The following ADARB1 variants were observed in gnomAD, a reference collection of about 807,000 sequenced individuals.
ADARB1 encodes adenosine deaminase RNA specific B1.
ADARB1 carries 10 observed loss-of-function variants against 52.4 expected under a neutral mutation model. The ratio of observed to expected loss-of-function variants is 0.19; its 90% confidence interval spans 0.12 to 0.32. ADARB1 has a LOEUF of 0.32. Among genes scored for constraint, ADARB1 ranks in the 10% least tolerant of loss-of-function variants. The pLI, the probability that ADARB1 is intolerant of heterozygous loss-of-function variation, is 1.00. For missense variants in ADARB1, 643 were observed against 922.3 expected (o/e 0.70, Z 3.92); for synonymous variants, 349 against 371.1 (o/e 0.94, Z 0.68).
At chr21:45,148,658 CAAG>C (rs924686083) in intron 2 of ADARB1, among the ~76,000 whole-genome samples, 2 of 152,170 alleles carry the variant, frequency 1.3e-5, no homozygotes, top group Admixed American at 6.5e-5. Flanking sequence ...CTGCAGCAGT[CAAG>C]AAGTAGAGCA....
Position 45,152,614 on chromosome 21 carries a change from G to A in ADARB1, c.-47-18996G>A, listed in dbSNP as rs148752440. Reference sequence around the variant, plus strand: ...ACTGGCATTGGCGTGTCTGCATGGCGTCGTCCACCACTGGGCCTTTGCACA... The same window carrying A: ...ACTGGCATTGGCGTGTCTGCATGGCATCGTCCACCACTGGGCCTTTGCACA... On this transcript the variant is annotated intron_variant, in intron 2 of 10. Transcript: ENST00000348831. The A allele has an allele frequency of 1.6e-4, 69 of 433,852 alleles. No individual in the cohort carries two copies. Among genetic ancestry groups the A allele is most frequent in the South Asian group, 9.0e-4 (56 of 61,978 alleles). 26.9% of individuals were successfully genotyped at this position (433,852 alleles called of 1,614,324 possible).
At chr21:45,136,567 C>T (rs563532254) in intron 2 of ADARB1, among the ~76,000 whole-genome samples, 1 of 152,228 alleles carries the variant, frequency 6.6e-6, no homozygotes, top group South Asian at 2.1e-4. Context: ...ATGTACTGAG[C>T]CCCTGTGGGG....
Position 45,221,729 on chromosome 21 carries a change from A to G in ADARB1, c.1927-289A>G, listed in dbSNP as rs760527136. ...TGGTGCTTCTTAGAGTTAAAAATGAAACGTGAATCCACTATTGGTGGTTTC... is the reference window on the plus strand; with the variant it reads ...TGGTGCTTCTTAGAGTTAAAAATGAGACGTGAATCCACTATTGGTGGTTTC... On this transcript the variant is annotated intron_variant, in intron 10 of 10. Transcript: ENST00000348831. This position sits in a 1 kb window ranked among gnomAD's most constrained non-coding sequence, Gnocchi z 4.9. Among the ~76,000 whole-genome samples the G allele has an allele frequency of 6.6e-6, 1 of 152,196 alleles. No homozygotes were observed. The highest frequency in any genetic ancestry group is 1.5e-5 in the Non-Finnish European group (1 of 68,028).
Position 45,220,957 on chromosome 21 carries a change from C to T in ADARB1, c.1869C>T (p.Arg623=), listed in dbSNP as rs534454057. The change falls in exon 10 of 11, where the codon CGC becomes CGT. Residue 623 remains arginine (R), a synonymous_variant. Transcript: ENST00000348831. This position sits in a 1 kb window ranked among gnomAD's most constrained non-coding sequence, Gnocchi z 6.3. ...NATTGKDELG[R]ASRLCKHALY... is the part of the protein sequence containing the mutation. ...CGACTGGGAAGGATGAGCTGGGCCG[C>T]GCGTCCCGCCTGTGTAAGCACGCGT... 3.1e-6 allele frequency: 5 copies of T among 1,613,304 alleles called. No homozygotes were observed. The highest frequency in any genetic ancestry group is 1.1e-5 in the South Asian group (1 of 91,088).
rs910395199 is a variant in ADARB1 at position 45,172,571 on chromosome 21, C to T, written c.28+887C>T. The stretch of plus-strand genomic sequence containing the variant: ...TACCATGTAGAACCCAAACCATGAC[C>T]CAGTGAAGCATTTCTGCATGGTATT... On this transcript the variant is annotated intron_variant, in intron 3 of 10. Transcript: ENST00000348831. This position sits in a 1 kb window ranked among gnomAD's most constrained non-coding sequence, Gnocchi z 4.4. 1.3e-5 allele frequency among the ~76,000 whole-genome samples: 2 copies of T among 152,120 alleles called. No individual in the cohort carries two copies. The highest frequency in any genetic ancestry group is 1.3e-4 in the Admixed American group (2 of 15,276).
chr21:45,111,928 C>T (rs1378853318), intron 1 of ADARB1, among the ~76,000 whole-genome samples: 1 of 152,228 alleles, frequency 6.6e-6, no homozygotes, highest in Non-Finnish European at 1.5e-5. Context: ...GTGATGCTGG[C>T]ATGGTGCCTG....
intron 1 of ADARB1, among the ~76,000 whole-genome samples, chr21:45,088,753 G>C (rs1049957857): frequency 6.6e-6 from 1 of 152,166 alleles, no homozygotes; most frequent in Middle Eastern, 3.2e-3. Flanking sequence ...TAGAATGGAG[G>C]AAGCCAGCAG....
rs566375559 is a variant in ADARB1, at chr21:45,165,082, C to T, written c.-47-6528C>T. The stretch of plus-strand genomic sequence containing the variant: ...GAGCGCCCAGGCCTCACCAGGCCCA[C>T]CCCCGCCCAGCCACCCTAGAGTTGC... On this transcript the variant is annotated intron_variant, in intron 2 of 10. Coordinates refer to ENST00000348831, the MANE Select transcript of ADARB1 (RefSeq NM_001112.4). Among the ~76,000 whole-genome samples the T allele has an allele frequency of 3.3e-4, 50 of 152,294 alleles. 2 individuals carry two copies. In the South Asian group the frequency reaches 9.9e-3, roughly 30 times the overall value.
intron 8 of ADARB1, among the ~76,000 whole-genome samples, chr21:45,203,416 A>G (rs368061262): frequency 4.6e-5 from 7 of 151,874 alleles, no homozygotes; most frequent in African/African-American, 1.7e-4. Context: ...ATAGTTCTTC[A>G]TTTGTCTTTT....
At chr21:45,091,157 T>C (rs1168682785) in intron 1 of ADARB1, among the ~76,000 whole-genome samples, 1 of 152,268 alleles carries the variant, frequency 6.6e-6, no homozygotes, top group Non-Finnish European at 1.5e-5. Flanking sequence ...GCATATGTTC[T>C]GCTATGTCTT....
chr21:45,110,688 T>C (rs184419522), intron 1 of ADARB1, among the ~76,000 whole-genome samples: 1 of 152,318 alleles, frequency 6.6e-6, no homozygotes, highest in African/African-American at 2.4e-5. Flanking sequence ...ATATTTCTAG[T>C]TATAGTTGCT....
At position 45,224,479 on chromosome 21, in the gene ADARB1, G is replaced by C. The variant is rs1432412558; in HGVS notation, c.*2282G>C. On this transcript the variant is annotated 3_prime_UTR_variant, in exon 11 of 11. Coordinates refer to ENST00000348831, the MANE Select transcript of ADARB1 (RefSeq NM_001112.4). ...GGAGGAAGGCAGCCAAGGCAACTGG[G>C]TTCTGGGAGCCCTGGGTGGGGCAGC... 1.1e-6 allele frequency: 1 copy of C among 873,414 alleles called. No individual in the cohort carries two copies. The highest frequency in any genetic ancestry group is 3.6e-5 in the African/African-American group (1 of 27,688). 54.1% of individuals were successfully genotyped at this position (873,414 alleles called of 1,614,324 possible). A position where few individuals can be genotyped will look rare whatever the true frequency, so the allele number is the denominator to read the frequency against.
chr21:45,212,846 T>G (rs769585141), intron 9 of ADARB1, among the ~76,000 whole-genome samples: 1 of 152,062 alleles, frequency 6.6e-6, no homozygotes, highest in Non-Finnish European at 1.5e-5. Context: ...ACAGAACAAC[T>G]GAAAGAAACA....
At chr21:45,216,008 C>T (rs372214450) in intron 9 of ADARB1, among the ~76,000 whole-genome samples, 4 of 152,112 alleles carry the variant, frequency 2.6e-5, no homozygotes, top group Non-Finnish European at 4.4e-5. Context: ...AGATTTAGGG[C>T]TATTCATGTT....
intron 1 of ADARB1, among the ~76,000 whole-genome samples, chr21:45,111,910 G>A (rs982909715): frequency 2.0e-5 from 3 of 152,246 alleles, no homozygotes; most frequent in Admixed American, 6.5e-5. Flanking sequence ...GCACTTCAGC[G>A]TGAGTGGGTG....
rs572129208 is a variant in ADARB1, at chr21:45,164,480, C to T, written c.-47-7130C>T. ...GGGCCTCGCAGCCCACTGGGAGAGG[C>T]AGGCCACAAACAGGGAGACAAATTG... On this transcript the variant is annotated intron_variant, in intron 2 of 10. Coordinates refer to ENST00000348831, the MANE Select transcript of ADARB1 (RefSeq NM_001112.4). 3.5e-3 allele frequency among the ~76,000 whole-genome samples: 515 copies of T among 145,574 alleles called. 2 individuals carry two copies. The highest frequency in any genetic ancestry group is 5.4e-3 in the Non-Finnish European group (365 of 67,310).
In ADARB1 at chr21:45,190,384, T is replaced by G. The variant is rs539929171; in HGVS notation, c.1565+5293T>G. Among the ~76,000 whole-genome samples the G allele has an allele frequency of 2.0e-5, 3 of 152,350 alleles. No homozygotes were observed. The East Asian group carries it at 5.8e-4, about 29-fold the overall frequency. ...GTTGTCTATGTTCTCTTCTAGCTCA[T>G]TAGGCATCTTTATGACAGATATTTT... On this transcript the variant is annotated intron_variant, in intron 8 of 10. Coordinates refer to ENST00000348831, the MANE Select transcript of ADARB1 (RefSeq NM_001112.4).
intron 1 of ADARB1, among the ~76,000 whole-genome samples, chr21:45,092,900 T>A (rs2086613833): frequency 2.3e-5 from 1 of 43,672 alleles, no homozygotes; most frequent in Non-Finnish European, 1.3e-4. Flanking sequence ...TACCTTTAAT[T>A]TTTTTTTTTC....
At chr21:45,213,179 A>G (rs1240183897) in intron 9 of ADARB1, among the ~76,000 whole-genome samples, 2 of 152,212 alleles carry the variant, frequency 1.3e-5, no homozygotes, top group East Asian at 3.8e-4. Context: ...GGTAGGATTC[A>G]ATGTGCTTAT....
Sources: allele counts gnomAD v4.1 joint callset (sites outside exome capture counted in the v4.1 genomes callset), GRCh38; gene constraint gnomAD v4.1.1; non-coding constraint Gnocchi (gnomAD v3.1); transcripts MANE v1.5; gene names NCBI Gene and HGNC (gene_info 2026-07-23, HGNC 2026-07-21).